LRRK2: variants seen among roughly 807,000 people sequenced by gnomAD.
LRRK2 encodes leucine rich repeat kinase 2.
A neutral mutation model predicts 302.6 loss-of-function variants in LRRK2; 203 were observed. That is an observed-to-expected ratio of 0.67 (90% CI 0.60 to 0.75). The LOEUF (loss-of-function observed/expected upper bound fraction) is 0.75, where lower values mean the gene tolerates loss of function less well. LRRK2 is among the 30% of genes least tolerant of loss of function. The pLI, the probability that LRRK2 is intolerant of heterozygous loss-of-function variation, is 0.00. For missense variants in LRRK2, 2,830 were observed against 2,951.0 expected (o/e 0.96, Z 0.95); for synonymous variants, 1,066 against 1,031.9 (o/e 1.03, Z -0.63).
intron 44 of LRRK2, 103 bp downstream of exon 44, chr12:40,351,836 C>T (rs1946362901): frequency 8.7e-7 from 1 of 1,155,188 alleles, no homozygotes; most frequent in African/African-American, 1.5e-5. Context: ...GATTATTATT[C>T]AATTAGCCTT....
At chr12:40,333,918 G>T (rs759294177) in intron 39 of LRRK2, among the ~76,000 whole-genome samples, 2 of 152,088 alleles carry the variant, frequency 1.3e-5, no homozygotes, top group Non-Finnish European at 2.9e-5. Flanking sequence ...GAAGGGTGGT[G>T]ATTGAAGAGG....
chr12:40,227,352 A>G (rs1940949956), intron 2 of LRRK2, among the ~76,000 whole-genome samples: 1 of 152,202 alleles, frequency 6.6e-6, no homozygotes, highest in South Asian at 2.1e-4. Flanking sequence ...AAAATATGCA[A>G]TGAATTATTA....
chr12:40,360,378 C>T (rs1946665959), intron 47 of LRRK2, among the ~76,000 whole-genome samples: 1 of 152,124 alleles, frequency 6.6e-6, no homozygotes, highest in Non-Finnish European at 1.5e-5. Flanking sequence ...AAGATTGGCA[C>T]TTGGGAGTAA....
chr12:40,365,883 CTG>C (rs1339466284), intron 49 of LRRK2: 1 of 151,938 alleles, frequency 6.6e-6, no homozygotes, highest in African/African-American at 2.4e-5. Flanking sequence ...CTCTTAATGA[CTG>C]TAAACTATTA....
At chr12:40,237,126 T>A (rs993069850) in intron 4 of LRRK2, among the ~76,000 whole-genome samples, 1 of 151,836 alleles carries the variant, frequency 6.6e-6, no homozygotes, top group Non-Finnish European at 1.5e-5. Flanking sequence ...AAAAAAAATG[T>A]TTAGTGAGGA....
At chr12:40,225,708 G>A in intron 2 of LRRK2, 68 bp downstream of exon 2, 1 of 1,366,666 alleles carries the variant, frequency 7.3e-7, no homozygotes, top group Non-Finnish European at 1.0e-6. Context: ...TACTGGCAAT[G>A]TTAATATAGC....
At chr12:40,365,545 A>G (rs1050008945) in intron 49 of LRRK2, 1 of 151,654 alleles carries the variant, frequency 6.6e-6, no homozygotes, top group Admixed American at 6.6e-5. Context: ...TTTTGCTTCT[A>G]TTTTTATATT....
At position 40,340,516 on chromosome 12, in the gene LRRK2, G is replaced by GT; in HGVS notation, c.6109+63dup. ...GGATGGATAACCACTGACCTCAGATGTGAGTTCAGAAGAGTCAAAAGGAAA... is the reference window on the plus strand; with the variant it reads ...GGATGGATAACCACTGACCTCAGATGTTGAGTTCAGAAGAGTCAAAAGGAAA... On this transcript the variant is annotated intron_variant, in intron 41 of 50. Coordinates refer to ENST00000298910, the MANE Select transcript of LRRK2 (RefSeq NM_198578.4). The GT allele has an allele frequency of 5.8e-6, 9 of 1,543,360 alleles. No homozygotes were observed. The South Asian group carries it at 8.9e-5, about 15-fold the overall frequency.
chr12:40,361,305 C>A (rs1430519108), intron 47 of LRRK2, among the ~76,000 whole-genome samples: 5 of 151,730 alleles, frequency 3.3e-5, no homozygotes, highest in Admixed American at 6.6e-5. Context: ...TCTGTAATAC[C>A]CACATTTTAA....
chr12:40,332,064 C>A (rs1945727085), intron 39 of LRRK2, among the ~76,000 whole-genome samples: 2 of 152,182 alleles, frequency 1.3e-5, no homozygotes, highest in South Asian at 4.1e-4. Flanking sequence ...TGTCTCTCAG[C>A]CCCAGTGAGT....
At chr12:40,307,637 A>G (rs1172595759) in intron 28 of LRRK2, among the ~76,000 whole-genome samples, 2 of 152,038 alleles carry the variant, frequency 1.3e-5, no homozygotes, top group African/African-American at 2.4e-5. Flanking sequence ...ATGAATATAT[A>G]CACACACATA....
intron 11 of LRRK2, among the ~76,000 whole-genome samples, chr12:40,254,253 TG>T (rs1210429002): frequency 6.6e-6 from 1 of 152,032 alleles, no homozygotes; most frequent in Non-Finnish European, 1.5e-5. Flanking sequence ...ATAGAGAAAC[TG>T]GGTAGGGTGG....
intron 45 of LRRK2, among the ~76,000 whole-genome samples, chr12:40,355,241 A>G (rs990628998): frequency 4.6e-5 from 7 of 152,192 alleles, no homozygotes; most frequent in Non-Finnish European, 7.3e-5. Context: ...AAAAATTTCA[A>G]TGGATGGAAT....
At chr12:40,243,712 A>G (rs1335444830) in intron 7 of LRRK2, 31 bp downstream of exon 7, 11 of 1,593,944 alleles carry the variant, frequency 6.9e-6, no homozygotes, top group Admixed American at 5.0e-5. Flanking sequence ...GTCATCACAC[A>G]CTGTATGATA....
In LRRK2 at chr12:40,367,286, G is replaced by A. The variant is rs1946907832; in HGVS notation, c.7462+209G>A. On this transcript the variant is annotated intron_variant, in intron 50 of 50. Transcript: ENST00000298910. ...AATATTTATATTTTCAGCTGAAGTAGAGGTGTCAATCACTAGCTCAACCTT... is the reference window on the plus strand; with the variant it reads ...AATATTTATATTTTCAGCTGAAGTAAAGGTGTCAATCACTAGCTCAACCTT... The A allele has an allele frequency of 9.6e-6, 5 of 520,344 alleles. No individual in the cohort carries two copies. In the South Asian group the frequency reaches 1.0e-4, roughly 11 times the overall value. 32.2% of individuals were successfully genotyped at this position (520,344 alleles called of 1,614,324 possible).
chr12:40,273,729 A>T (rs919223531), intron 14 of LRRK2, among the ~76,000 whole-genome samples: 1 of 152,186 alleles, frequency 6.6e-6, no homozygotes, highest in Non-Finnish European at 1.5e-5. Context: ...TATAATTTTT[A>T]AAAGAAAAGC....
chr12:40,275,473 A>G (rs185003438), intron 16 of LRRK2, among the ~76,000 whole-genome samples: 7 of 152,154 alleles, frequency 4.6e-5, no homozygotes, highest in Admixed American at 4.6e-4. Context: ...AATTCAAGAT[A>G]CTGGCCTAGA....
At chr12:40,322,585 A>ATTCAGTTTTCTGAACTGTCCCT in intron 37 of LRRK2, 75 bp downstream of exon 37, 1 of 1,331,160 alleles carries the variant, frequency 7.5e-7, no homozygotes, top group Non-Finnish European at 1.1e-6. Context: ...AATAAATGTA[A>ATTCAGTTTTCTGAACTGTCCCT]ATATTCTTAT....
At chr12:40,342,829 A>T (rs1946085829) in intron 41 of LRRK2, among the ~76,000 whole-genome samples, 1 of 152,102 alleles carries the variant, frequency 6.6e-6, no homozygotes, top group Non-Finnish European at 1.5e-5. Flanking sequence ...TTTTATACTA[A>T]CTCTTACTGC....
Sources: gnomAD v4.1 joint callset for allele counts (sites outside exome capture counted in the v4.1 genomes callset) on GRCh38, gnomAD v4.1.1 for gene constraint, MANE v1.5 for transcripts, NCBI Gene and HGNC (gene_info 2026-07-23, HGNC 2026-07-21) for gene names.